The following CEBPZ variants were observed in gnomAD, a reference collection of about 807,000 sequenced individuals.
The protein encoded by CEBPZ is CCAAT/enhancer-binding protein zeta.
CEBPZ carries 78 observed loss-of-function variants against 104.5 expected under a neutral mutation model. The ratio of observed to expected loss-of-function variants is 0.75; its 90% CI spans 0.62 to 0.90. The LOEUF is 0.90. Ranked by LOEUF, CEBPZ falls within the 40% of genes least tolerant of loss-of-function variation. The pLI is 0.00. For synonymous variants in CEBPZ, 470 were observed against 427.0 expected, an observed-to-expected ratio of 1.10 and a Z score of -1.24; for missense variants, 1,439 against 1,233.5, an observed-to-expected ratio of 1.17 and a Z score of -2.50.
intron 10 of CEBPZ, 21 bp from the exon 11 acceptor site, chr2:37,212,413 G>A (rs773967977): frequency 1.9e-6 from 3 of 1,595,066 alleles, no homozygotes; most frequent in South Asian, 1.1e-5. Context: ...ATACAGAAAT[G>A]TGAGATACAA....
intron 2 of CEBPZ, among the ~76,000 whole-genome samples, chr2:37,225,489 CAG>C (rs1664864022): frequency 6.8e-6 from 1 of 146,496 alleles, no homozygotes; most frequent in African/African-American, 2.5e-5. Flanking sequence ...TGTGTCCACT[CAG>C]AGTTGAATGG....
chr2:37,212,459 G>T, intron 10 of CEBPZ, 67 bp from the exon 11 acceptor site: 1 of 1,296,024 alleles, frequency 7.7e-7, no homozygotes, highest in South Asian at 1.2e-5. Flanking sequence ...TCTTGTATCT[G>T]AATCAATTAT....
intron 1 of CEBPZ, among the ~76,000 whole-genome samples, chr2:37,229,352 AT>A (rs1664977170): frequency 6.6e-6 from 1 of 152,228 alleles, no homozygotes; most frequent in East Asian, 1.9e-4. Flanking sequence ...GTTTCTACAC[AT>A]CAGTAAGTGA....
intron 2 of CEBPZ, among the ~76,000 whole-genome samples, chr2:37,224,772 G>T (rs530505657): frequency 3.3e-5 from 5 of 152,092 alleles, no homozygotes; most frequent in African/African-American, 9.7e-5. Context: ...TTAACTAGGG[G>T]TTTTCTTAAT....
chr2:37,215,175 C>G (rs966145103), intron 8 of CEBPZ: 1 of 390,658 alleles, frequency 2.6e-6, no homozygotes, highest in African/African-American at 2.1e-5. Flanking sequence ...ATAAAGTAGG[C>G]AGTACATAGC....
At chr2:37,223,078 C>T in intron 3 of CEBPZ, 92 bp downstream of exon 3, 1 of 1,014,758 alleles carries the variant, frequency 9.9e-7, no homozygotes, top group Non-Finnish European at 1.5e-6. Flanking sequence ...CTCCAGAGAA[C>T]TAGGTTACTG....
chr2:37,229,009 C>T lies in CEBPZ; in HGVS notation c.184G>A (p.Asp62Asn). 1 of 1,570,258 alleles carries T rather than the reference C, an allele frequency of 6.4e-7. No homozygotes were observed. The highest frequency in any genetic ancestry group is 8.6e-7 in the Non-Finnish European group (1 of 1,163,488). The change falls in exon 2 of 16, where the codon GAT becomes AAT. Residue 62 changes from aspartate to asparagine, a missense_variant. Asp to Asn is a conservative substitution (Grantham distance 23). Transcript: ENST00000234170. The stretch of plus-strand genomic sequence containing the variant: ...CCATCTATCACTTCCTCATTCTCAT[C>T]CAAAGTAGCCAGCATAAGGTAATCT... ...KQDYLMLATL[D>N]ENEEVIDGGK...
At chr2:37,209,804 G>A (rs772686755) in intron 13 of CEBPZ, 9 of 152,092 alleles carry the variant, frequency 5.9e-5, no homozygotes, top group Non-Finnish European at 7.4e-5. Context: ...GCTAAAAAGC[G>A]TCTGCATAGC....
At chr2:37,208,926 A>G (rs1677627494) in intron 13 of CEBPZ, 1 of 152,140 alleles carries the variant, frequency 6.6e-6, no homozygotes, top group Non-Finnish European at 1.5e-5. Flanking sequence ...GATCTGATAA[A>G]TAAATCCAGC....
chr2:37,208,958 A>C lies in CEBPZ; in HGVS notation c.2884+2041T>G, dbSNP rs77744518. 16 of 152,220 alleles carry C rather than the reference A, an allele frequency of 1.1e-4. No homozygotes were observed. In the East Asian group the frequency reaches 3.1e-3, roughly 29 times the overall value. 9.4% of individuals were successfully genotyped at this position (152,220 alleles called of 1,614,324 possible). A position where few individuals can be genotyped will look rare whatever the true frequency, so the allele number is the denominator to read the frequency against. The stretch of plus-strand genomic sequence containing the variant: ...CAGCAAAGTTTCAGGATACAAAATC[A>C]ATGTGCGCAAACCAGTAGCATTGCT... On this transcript the variant is annotated intron_variant, in intron 13 of 15. Coordinates refer to ENST00000234170, the MANE Select transcript of CEBPZ (RefSeq NM_005760.3).
At chr2:37,214,782 G>A (rs888351149) in intron 9 of CEBPZ, 104 bp downstream of exon 9, 10 of 705,390 alleles carry the variant, frequency 1.4e-5, no homozygotes, top group African/African-American at 9.0e-5. Flanking sequence ...ACACACAGTA[G>A]TAGATTATTG....
In CEBPZ at chr2:37,227,566, G is replaced by T; in HGVS notation, c.1627C>A (p.Arg543=). 6.2e-7 allele frequency: 1 copy of T among 1,611,546 alleles called. No individual in the cohort carries two copies. The highest frequency in any genetic ancestry group is 1.1e-5 in the South Asian group (1 of 90,642). ...TACCTGTATAATGCTGTGTAATATC[G>T]ATCCGATATTGTCTGCTGAGAATTC... ...VMNSQQTISD[R]YYTALYRKML... is the part of the protein sequence containing the mutation. Residue 543 remains arginine, a synonymous_variant, in exon 2 of 16, where the codon CGA becomes AGA. Coordinates refer to ENST00000234170, the MANE Select transcript of CEBPZ (RefSeq NM_005760.3).
At chr2:37,231,376 C>T (rs373809761) in intron 1 of CEBPZ, 36 bp downstream of exon 1, 4 of 1,612,550 alleles carry the variant, frequency 2.5e-6, no homozygotes, top group Admixed American at 1.7e-5. Context: ...GAACTCTCCA[C>T]GCCTGATCCC....
chr2:37,218,017 C>T (rs1390866598), intron 5 of CEBPZ, among the ~76,000 whole-genome samples: 1 of 151,778 alleles, frequency 6.6e-6, no homozygotes, highest in Non-Finnish European at 1.5e-5. Flanking sequence ...CCTGTAATCC[C>T]AGCATTTTGG....
At chr2:37,205,397 TC>T (rs1677501703) in intron 13 of CEBPZ, among the ~76,000 whole-genome samples, 1 of 152,170 alleles carries the variant, frequency 6.6e-6, no homozygotes, top group African/African-American at 2.4e-5. Context: ...TCCTGGCTCA[TC>T]CTGGCTCAAA....
chr2:37,218,869 C>CA (rs1028512046), intron 5 of CEBPZ, among the ~76,000 whole-genome samples: 1 of 151,716 alleles, frequency 6.6e-6, no homozygotes, highest in Non-Finnish European at 1.5e-5. Flanking sequence ...CTTCTCGTTT[C>CA]AAAAAAAAGA....
rs2110961 is a variant in CEBPZ, at chr2:37,212,283, A to C, written c.2603+52T>G. 5.4e-5 allele frequency: 82 copies of C among 1,514,380 alleles called. No individual in the cohort carries two copies. The South Asian group carries it at 8.8e-4, about 16-fold the overall frequency. The allele number at this position is 1,514,380 out of a possible 1,614,324, so 93.8% of individuals were successfully genotyped here. Reference sequence around the variant, plus strand: ...CTGTGGTCTACTGTTCTGAGGGACAACAATTTGGGAAATGCTAGAAAAATA... The same window carrying C: ...CTGTGGTCTACTGTTCTGAGGGACACCAATTTGGGAAATGCTAGAAAAATA... On this transcript the variant is annotated intron_variant, in intron 11 of 15. Transcript: ENST00000234170.
chr2:37,228,507 C>T lies in CEBPZ; in HGVS notation c.686G>A (p.Gly229Glu). Residue 229 changes from glycine (G) to glutamate (E), a missense_variant, in exon 2 of 16, where the codon GGA (glycine) becomes GAA (glutamate). Physicochemically the swap from Gly to Glu is moderately conservative, Grantham distance 98. Coordinates refer to ENST00000234170, the MANE Select transcript of CEBPZ (RefSeq NM_005760.3). ...TGCCTTCATCCAGGTAGAAGAGGCT[C>T]CCTTTTGACTATTCGTCTTACTTTT... ...LFKSKTNSQK[G>E]ASSTWMKAIV... 5 of 1,614,172 alleles carry T rather than the reference C, an allele frequency of 3.1e-6. 1 individual carries two copies. The South Asian group carries it at 4.4e-5, about 14-fold the overall frequency.
At chr2:37,222,260 G>C (rs1347902397) in intron 4 of CEBPZ, 120 bp downstream of exon 4, 1 of 844,804 alleles carries the variant, frequency 1.2e-6, no homozygotes, top group Non-Finnish European at 1.7e-6. Flanking sequence ...TTCCAGCCTG[G>C]GCAACAGAGT....
Sources: allele counts gnomAD v4.1 joint callset (sites outside exome capture counted in the v4.1 genomes callset), GRCh38; gene constraint gnomAD v4.1.1; transcripts MANE v1.5; gene names NCBI Gene and HGNC (gene_info 2026-07-23, HGNC 2026-07-21).